Variants in ADCY8 observed in about 807,000 individuals in gnomAD.
ADCY8 encodes adenylate cyclase type 8.
Under a neutral mutation model 119.7 loss-of-function variants are expected in ADCY8, and 51 were observed. The ratio of observed to expected loss-of-function variants is 0.43; its 90% CI spans 0.34 to 0.54. The LOEUF (loss-of-function observed/expected upper bound fraction) is 0.54. Among genes scored for constraint, ADCY8 ranks in the 20% least tolerant of loss-of-function variants. The pLI is 0.03. For missense variants in ADCY8, 1,383 were observed against 1,598.8 expected, an observed-to-expected ratio of 0.87 and a Z score of 2.30; for synonymous variants, 665 against 651.0, an observed-to-expected ratio of 1.02 and a Z score of -0.33.
At chr8:130,803,235 T>A (rs1451138052) in intron 14 of ADCY8, among the ~76,000 whole-genome samples, 1 of 152,230 alleles carries the variant, frequency 6.6e-6, no homozygotes, top group Non-Finnish European at 1.5e-5. Flanking sequence ...TTTACCAGGC[T>A]AACTCTTGTT....
intron 8 of ADCY8, among the ~76,000 whole-genome samples, chr8:130,869,518 GT>G (rs141048498): frequency 0.4 from 46,913 of 118,256 alleles, 7,243 homozygotes; most frequent in East Asian, 0.55. Flanking sequence ...ATTTTTTTTT[GT>G]TTTTTTGTTT....
chr8:131,004,292 G>A (rs577395840), intron 1 of ADCY8, among the ~76,000 whole-genome samples: 3 of 152,210 alleles, frequency 2.0e-5, no homozygotes, highest in East Asian at 1.9e-4. Flanking sequence ...ACCCTCCCCA[G>A]CTTTATCTTT....
At chr8:130,847,389 C>A (rs766557370) in intron 11 of ADCY8, 35 bp downstream of exon 11, 2 of 1,488,822 alleles carry the variant, frequency 1.3e-6, no homozygotes, top group Non-Finnish European at 1.9e-6. Flanking sequence ...ATATCTATGT[C>A]CAACTCTCAC....
At position 130,973,741 on chromosome 8, in the gene ADCY8, G is replaced by A. The variant is rs192112608; in HGVS notation, c.1110+16652C>T. ...TACATGACTAGGAAGGAGGGCTAAC[G>A]GCTTCTGAGTGCTCCTGTTGTGTGT... On this transcript the variant is annotated intron_variant, in intron 2 of 17. Transcript: ENST00000286355. 2.7e-3 allele frequency among the ~76,000 whole-genome samples: 414 copies of A among 152,292 alleles called. 3 individuals are homozygous for A. Among genetic ancestry groups the A allele is most frequent in the Middle Eastern group, 6.8e-3 (2 of 294 alleles).
rs145199737 is a variant in ADCY8, at chr8:131,027,253, C to T, written c.960+12121G>A. ...CACCCCACTTATTCTTAAGCAGGTA[C>T]TTGTCCCGGAGAAGGGGTACAGAAG... On this transcript the variant is annotated intron_variant, in intron 1 of 17. Coordinates refer to ENST00000286355, the MANE Select transcript of ADCY8 (RefSeq NM_001115.3). 6.6e-5 allele frequency among the ~76,000 whole-genome samples: 10 copies of T among 152,324 alleles called. 1 individual carries two copies. The highest frequency in any genetic ancestry group is 2.2e-4 in the African/African-American group (9 of 41,570).
Position 130,780,373 on chromosome 8 carries a change from A to C in ADCY8, c.*17T>G, listed in dbSNP as rs568643436. 34 of 1,405,218 alleles carry C rather than the reference A, an allele frequency of 2.4e-5. No individual in the cohort carries two copies. The Middle Eastern group carries it at 6.3e-4, about 26-fold the overall frequency. The allele number at this position is 1,405,218 out of a possible 1,614,324, so 87.0% of individuals were successfully genotyped here. A position where few individuals can be genotyped will look rare whatever the true frequency, so the allele number is the denominator to read the frequency against. On this transcript the variant is annotated 3_prime_UTR_variant, in exon 18 of 18. Coordinates refer to ENST00000286355, the MANE Select transcript of ADCY8 (RefSeq NM_001115.3). The stretch of plus-strand genomic sequence containing the variant: ...TATAAAAGAAATACAAAAAAAAAAA[A>C]CAGAAAGAAAATGCTTTTATGGCAA...
chr8:130,897,954 C>T (rs1350722599), intron 7 of ADCY8, among the ~76,000 whole-genome samples: 1 of 145,364 alleles, frequency 6.9e-6, no homozygotes, highest in African/African-American at 2.7e-5. Context: ...TAACACACAC[C>T]ACACCACACC....
chr8:130,891,241 C>T (rs187942376), intron 7 of ADCY8, among the ~76,000 whole-genome samples: 3 of 152,158 alleles, frequency 2.0e-5, no homozygotes, highest in Admixed American at 1.3e-4. Context: ...GCAGAGGTTC[C>T]ACCTTTCAGT....
chr8:130,811,010 G>A (rs940285414), intron 14 of ADCY8, among the ~76,000 whole-genome samples: 1 of 152,032 alleles, frequency 6.6e-6, no homozygotes, highest in African/African-American at 2.4e-5. Flanking sequence ...TCTCCATCTG[G>A]TGGTCATGGT....
intron 9 of ADCY8, among the ~76,000 whole-genome samples, chr8:130,857,909 C>T (rs185637240): frequency 6.6e-6 from 1 of 152,262 alleles, no homozygotes; most frequent in Admixed American, 6.5e-5. Context: ...ATCCACTAAA[C>T]ACTACAAACT....
intron 7 of ADCY8, among the ~76,000 whole-genome samples, chr8:130,902,639 T>A (rs1387369111): frequency 6.6e-6 from 1 of 152,216 alleles, no homozygotes; most frequent in African/African-American, 2.4e-5. Context: ...GGGGAGACTT[T>A]CAGCATTTTA....
intron 8 of ADCY8, among the ~76,000 whole-genome samples, chr8:130,876,707 G>A (rs78533879): frequency 0.026 from 3,774 of 145,496 alleles, 68 homozygotes; most frequent in Non-Finnish European, 0.039. Context: ...ATATTTGTGT[G>A]TGTGTAGGGG....
At chr8:130,986,436 G>A (rs1205446002) in intron 2 of ADCY8, among the ~76,000 whole-genome samples, 6 of 152,222 alleles carry the variant, frequency 3.9e-5, no homozygotes, top group African/African-American at 1.4e-4. Flanking sequence ...ATTATGTAGA[G>A]TAGCTGCCTT....
intron 1 of ADCY8, among the ~76,000 whole-genome samples, chr8:131,017,105 T>C (rs1823499495): frequency 6.6e-6 from 1 of 151,934 alleles, no homozygotes; most frequent in Non-Finnish European, 1.5e-5. Flanking sequence ...AGTCTCACTT[T>C]GTCACTAAGG....
chr8:130,799,699 A>C (rs900949766), intron 15 of ADCY8, among the ~76,000 whole-genome samples: 14 of 152,254 alleles, frequency 9.2e-5, no homozygotes, highest in African/African-American at 3.4e-4. Flanking sequence ...GGTATCCAAA[A>C]GCCTGGCCCC....
Position 130,780,619 on chromosome 8 carries a change from G to A in ADCY8, c.3527C>T (p.Pro1176Leu). The A allele has an allele frequency of 6.2e-7, 1 of 1,614,138 alleles. No homozygotes were observed. Among genetic ancestry groups the A allele is most frequent in the Non-Finnish European group, 8.5e-7 (1 of 1,180,022 alleles). The change falls in exon 18 of 18, where the codon CCC (proline) becomes CTC (leucine). Residue 1176 changes from proline to leucine, a missense_variant. Coordinates refer to ENST00000286355, the MANE Select transcript of ADCY8 (RefSeq NM_001115.3). Reference sequence around the variant, plus strand: ...TCTTGGGGGCAAGATGAATGGGTTGGGTTGGACTCTTCCCAGAAGAAAGTA... The same window carrying A: ...TCTTGGGGGCAAGATGAATGGGTTGAGTTGGACTCTTCCCAGAAGAAAGTA... ...KTYFLLGRVQ[P>L]NPFILPPRRL...
At chr8:130,890,216 G>T (rs918317976) in intron 7 of ADCY8, among the ~76,000 whole-genome samples, 1 of 140,528 alleles carries the variant, frequency 7.1e-6, no homozygotes, top group Non-Finnish European at 1.6e-5. Context: ...TCAGGGGAGT[G>T]GGGAGGGATA....
chr8:131,039,656 G>A lies in ADCY8; in HGVS notation c.678C>T (p.Ile226=). 1 of 1,614,186 alleles carries A rather than the reference G, an allele frequency of 6.2e-7. No individual in the cohort carries two copies. Among genetic ancestry groups the A allele is most frequent in the Non-Finnish European group, 8.5e-7 (1 of 1,180,036 alleles). The change falls in exon 1 of 18, where the codon ATC becomes ATT. Residue 226 remains isoleucine, a synonymous_variant. Coordinates refer to ENST00000286355, the MANE Select transcript of ADCY8 (RefSeq NM_001115.3). ...LGFFTGIEVV[I]CALVVVRKDT... ...CCTTCCTGACCACCACCAGGGCGCA[G>A]ATCACTACCTCAATGCCGGTGAAGA...
intron 9 of ADCY8, among the ~76,000 whole-genome samples, chr8:130,853,095 G>T: frequency 6.6e-6 from 1 of 152,152 alleles, no homozygotes; most frequent in East Asian, 1.9e-4. Context: ...AACTATCGGG[G>T]GTGCTCAGTG....
Sources: gnomAD v4.1 joint callset for allele counts (sites outside exome capture counted in the v4.1 genomes callset) on GRCh38, gnomAD v4.1.1 for gene constraint, MANE v1.5 for transcripts, NCBI Gene and HGNC (gene_info 2026-07-23, HGNC 2026-07-21) for gene names.